SENP6: variants seen among roughly 807,000 people sequenced by gnomAD.
SENP6 encodes SUMO specific peptidase 6, also known as sentrin-specific protease 6.
In SENP6, 41 loss-of-function variants were observed where a neutral mutation model predicts 134.5. The ratio of observed to expected loss-of-function variants is 0.30; its 90% CI spans 0.24 to 0.40. SENP6 has a LOEUF of 0.40. SENP6 is among the 10% of genes least tolerant of loss of function. SENP6 has a pLI of 1.00. For missense variants in SENP6, 1,248 were observed against 1,312.5 expected (o/e 0.95, Z 0.76); for synonymous variants, 395 against 429.8 (o/e 0.92, Z 1.00).
intron 3 of SENP6, among the ~76,000 whole-genome samples, chr6:75,627,548 G>A (rs1401326718): frequency 6.6e-5 from 10 of 152,114 alleles, no homozygotes; most frequent in African/African-American, 2.2e-4. Flanking sequence ...AGGATCGTTC[G>A]AAGCCAGGAG....
At chr6:75,648,787 T>C (rs1770644634) in intron 7 of SENP6, among the ~76,000 whole-genome samples, 1 of 152,198 alleles carries the variant, frequency 6.6e-6, no homozygotes, top group South Asian at 2.1e-4. Context: ...GTGCTTTGCA[T>C]TCATTATTTA....
intron 1 of SENP6, among the ~76,000 whole-genome samples, chr6:75,607,638 A>G (rs948432963): frequency 8.6e-5 from 13 of 151,480 alleles, no homozygotes; most frequent in Non-Finnish European, 1.3e-4. Context: ...TAATATACAT[A>G]TACTACTACT....
intron 6 of SENP6, chr6:75,647,328 T>C (rs867496518): frequency 6.4e-6 from 1 of 156,596 alleles, no homozygotes; most frequent in African/African-American, 2.4e-5. Flanking sequence ...TGATATTGTG[T>C]GTATTTGAAG....
intron 11 of SENP6, among the ~76,000 whole-genome samples, chr6:75,673,261 T>C (rs922016549): frequency 4.6e-5 from 7 of 152,132 alleles, no homozygotes. Context: ...AAACCAAGGT[T>C]TTCATTCAGT....
intron 18 of SENP6, among the ~76,000 whole-genome samples, chr6:75,702,125 CTG>C (rs992462320): frequency 4.6e-5 from 7 of 151,428 alleles, no homozygotes; most frequent in Non-Finnish European, 8.8e-5. Context: ...TTAATACAAA[CTG>C]TGTTATTTTT....
intron 10 of SENP6, among the ~76,000 whole-genome samples, chr6:75,670,210 G>A (rs903084874): frequency 1.3e-5 from 2 of 152,160 alleles, no homozygotes; most frequent in African/African-American, 4.8e-5. Flanking sequence ...GCCTCCCAAA[G>A]TGCTGGGAGT....
At chr6:75,683,362 T>C (rs1773596486) in intron 16 of SENP6, among the ~76,000 whole-genome samples, 1 of 151,542 alleles carries the variant, frequency 6.6e-6, no homozygotes, top group African/African-American at 2.4e-5. Context: ...TTGCCTGTGA[T>C]GATAGTTTCT....
intron 3 of SENP6, among the ~76,000 whole-genome samples, chr6:75,631,079 T>C (rs1769079645): frequency 6.6e-6 from 1 of 152,132 alleles, no homozygotes; most frequent in Admixed American, 6.6e-5. Flanking sequence ...AGAACTGCTG[T>C]TGGTTCTCTT....
At position 75,655,185 on chromosome 6, in the gene SENP6, T is replaced by C. The variant is rs536274741; in HGVS notation, c.551-4077T>C. 28 of 152,350 alleles carry C rather than the reference T, an allele frequency of 1.8e-4. 1 individual carries two copies. The highest frequency in any genetic ancestry group is 5.5e-4 in the African/African-American group (23 of 41,576). 9.4% of individuals were successfully genotyped at this position (152,350 alleles called of 1,614,324 possible). A position where few individuals can be genotyped will look rare whatever the true frequency, so the allele number is the denominator to read the frequency against. On this transcript the variant is annotated intron_variant, in intron 7 of 23. Transcript: ENST00000447266. ...ACCCAGTGTGCAGCTTTGGAAGGGA[T>C]GCGCATGGAGCGATGAGGGAGGAAG...
chr6:75,609,643 A>G (rs893210628), intron 1 of SENP6, among the ~76,000 whole-genome samples: 1 of 152,270 alleles, frequency 6.6e-6, no homozygotes, highest in Admixed American at 6.5e-5. Context: ...AATTCTTATG[A>G]AACCCAAAAT....
chr6:75,652,247 G>A (rs946391178), intron 7 of SENP6, among the ~76,000 whole-genome samples: 5 of 151,534 alleles, frequency 3.3e-5, no homozygotes, highest in African/African-American at 7.3e-5. Flanking sequence ...TTTTGACCTC[G>A]TGATCCGCCT....
At chr6:75,654,768 G>GT (rs2149856470) in intron 7 of SENP6, among the ~76,000 whole-genome samples, 1 of 152,268 alleles carries the variant, frequency 6.6e-6, no homozygotes, top group South Asian at 2.1e-4. Flanking sequence ...AAATAAGAAA[G>GT]TTAAGCCTCT....
Position 75,605,680 on chromosome 6 carries a change from T to C in SENP6, c.52+3104T>C, listed in dbSNP as rs72654707. 0.011 allele frequency among the ~76,000 whole-genome samples: 1,632 copies of C among 152,256 alleles called. 60 individuals carry two copies. The East Asian group carries it at 0.14, about 13-fold the overall frequency. The stretch of plus-strand genomic sequence containing the variant: ...GTAGAAAGCAAAGGAGAGAGTGATA[T>C]GAGAGGCAGGAGATCTTTCATGCAG... On this transcript the variant is annotated intron_variant, in intron 1 of 23. Transcript: ENST00000447266.
chr6:75,631,714 G>A (rs1242005619), intron 3 of SENP6, among the ~76,000 whole-genome samples: 3 of 152,220 alleles, frequency 2.0e-5, no homozygotes, highest in Admixed American at 6.5e-5. Flanking sequence ...TTTGGACAGA[G>A]TTGAGTAGAT....
At chr6:75,659,609 A>G (rs540027478) in intron 8 of SENP6, among the ~76,000 whole-genome samples, 45 of 152,304 alleles carry the variant, frequency 3.0e-4, no homozygotes, top group Non-Finnish European at 5.9e-4. Context: ...TAAAGAATTT[A>G]TCAGTGCTTC....
intron 23 of SENP6, 148 bp downstream of exon 23, chr6:75,713,973 T>C (rs913291433): frequency 4.1e-5 from 25 of 610,024 alleles, no homozygotes; most frequent in Non-Finnish European, 5.4e-6. Flanking sequence ...AACTTCTAAA[T>C]GGAAGAACCT....
intron 6 of SENP6, among the ~76,000 whole-genome samples, chr6:75,641,619 AACAC>A (rs904056897): frequency 6.6e-6 from 1 of 152,222 alleles, no homozygotes; most frequent in African/African-American, 2.4e-5. Context: ...TGTTTAAGAA[AACAC>A]ACACATTTCT....
At chr6:75,635,024 G>C in intron 5 of SENP6, 1 of 634,010 alleles carries the variant, frequency 1.6e-6, no homozygotes, top group Non-Finnish European at 2.9e-6. Flanking sequence ...TTTTCACTAA[G>C]ACCTGTTGTA....
At chr6:75,672,539 CATG>C (rs1164341222) in intron 11 of SENP6, among the ~76,000 whole-genome samples, 3 of 152,114 alleles carry the variant, frequency 2.0e-5, no homozygotes, top group South Asian at 2.1e-4. Context: ...TTACTTGTAG[CATG>C]AGATTTTTAG....
Sources: allele counts gnomAD v4.1 joint callset (sites outside exome capture counted in the v4.1 genomes callset), GRCh38; gene constraint gnomAD v4.1.1; transcripts MANE v1.5; gene names NCBI Gene and HGNC (gene_info 2026-07-23, HGNC 2026-07-21).